TRRAP: variants seen among roughly 807,000 people sequenced by gnomAD.
TRRAP encodes transformation/transcription domain associated protein.
In TRRAP, 41 loss-of-function variants were observed where a neutral mutation model predicts 438.8. That is an observed-to-expected ratio of 0.09 (90% CI 0.07 to 0.12). The LOEUF (loss-of-function observed/expected upper bound fraction) is 0.12, where lower values mean the gene tolerates loss of function less well. Ranked by LOEUF, TRRAP falls within the 10% of genes least tolerant of loss-of-function variation. The pLI, the probability that TRRAP is intolerant of heterozygous loss-of-function variation, is 1.00. For missense variants in TRRAP, 3,122 were observed against 5,055.1 expected (o/e 0.62, Z 11.60); for synonymous variants, 1,994 against 1,962.9 (o/e 1.02, Z -0.42).
chr7:98,971,898 C>T lies in TRRAP; in HGVS notation c.7792C>T (p.Leu2598=). 1.2e-6 allele frequency: 2 copies of T among 1,614,218 alleles called. No homozygotes were observed. The highest frequency in any genetic ancestry group is 8.5e-7 in the Non-Finnish European group (1 of 1,180,042). The part of the protein sequence containing the change: ...EKDIGNQLHM[L]TNRHDKFLDT... ...GGACATTGGAAACCAGCTGCACATG[C>T]TAACCAACAGGCACGACAAGTTTCT... Residue 2598 remains leucine, a synonymous_variant, in exon 53 of 73, where the codon CTA becomes TTA. Transcript: ENST00000456197.
chr7:98,895,366 G>A (rs1796150497), intron 6 of TRRAP, among the ~76,000 whole-genome samples: 1 of 152,166 alleles, frequency 6.6e-6, no homozygotes, highest in African/African-American at 2.4e-5. Flanking sequence ...GAATTACCGA[G>A]GCAAAGGCAT....
At chr7:98,900,059 A>C (rs1301553634) in intron 10 of TRRAP, among the ~76,000 whole-genome samples, 1 of 152,042 alleles carries the variant, frequency 6.6e-6, no homozygotes, top group Non-Finnish European at 1.5e-5. Context: ...GCTCACCTTC[A>C]AGACTTTGTT....
rs1792657102 is a variant in TRRAP, at chr7:98,976,369, G to A, written c.7959+101G>A. ...TCTCGAACAAGTTTCAGAAAATGAG[G>A]GAACCGCTGGCTGTCACTCGAGCGA... is the stretch of plus-strand genomic sequence containing the variant. On this transcript the variant is annotated intron_variant, in intron 54 of 72. Transcript: ENST00000456197. This position sits in a 1 kb window ranked among gnomAD's most constrained non-coding sequence, Gnocchi z 4.6. 1.9e-6 allele frequency: 3 copies of A among 1,573,864 alleles called. No individual in the cohort carries two copies. The highest frequency in any genetic ancestry group is 2.6e-6 in the Non-Finnish European group (3 of 1,162,076).
intron 22 of TRRAP, among the ~76,000 whole-genome samples, chr7:98,926,742 G>A (rs146435405): frequency 5.9e-5 from 9 of 152,074 alleles, no homozygotes; most frequent in East Asian, 1.9e-4. Flanking sequence ...CTGAAAAAAC[G>A]TGCTGTAATC....
At chr7:98,935,000 G>T (rs1225852325) in intron 27 of TRRAP, among the ~76,000 whole-genome samples, 1 of 152,096 alleles carries the variant, frequency 6.6e-6, no homozygotes, top group Non-Finnish European at 1.5e-5. Context: ...AGAGAAGGGG[G>T]AAATAGTGAT....
At chr7:98,959,321 C>T (rs1300762895) in intron 44 of TRRAP, 23 bp from the exon 45 acceptor site, 1 of 1,611,346 alleles carries the variant, frequency 6.2e-7, no homozygotes, top group Non-Finnish European at 8.5e-7. Context: ...GAAATGCCGG[C>T]TGTAACTCGG....
intron 53 of TRRAP, among the ~76,000 whole-genome samples, chr7:98,972,794 G>A (rs777015129): frequency 6.6e-5 from 10 of 152,288 alleles, no homozygotes; most frequent in East Asian, 3.9e-4. Flanking sequence ...TGATTTTTAC[G>A]TTAAAATCTT....
chr7:98,958,114 G>T (rs782559096), intron 44 of TRRAP, 23 bp downstream of exon 44: 9 of 1,599,584 alleles, frequency 5.6e-6, no homozygotes, highest in Middle Eastern at 1.7e-4. Flanking sequence ...AGTGCCCTGC[G>T]TTAGGGCTTC....
At chr7:98,896,440 T>C (rs1796208288) in intron 7 of TRRAP, among the ~76,000 whole-genome samples, 1 of 151,768 alleles carries the variant, frequency 6.6e-6, no homozygotes, top group Admixed American at 6.6e-5. Context: ...GGGTACGGGG[T>C]CTCTGTCTGC....
chr7:98,889,633 G>A (rs1554404516), intron 3 of TRRAP, among the ~76,000 whole-genome samples: 3 of 149,180 alleles, frequency 2.0e-5, no homozygotes, highest in African/African-American at 7.4e-5. Context: ...CTGCTGCCTT[G>A]AACTCCCAGT....
intron 65 of TRRAP, 106 bp from the exon 66 acceptor site, chr7:98,993,432 C>T (rs926795933): frequency 1.0e-5 from 13 of 1,239,936 alleles, no homozygotes; most frequent in African/African-American, 1.5e-5. Flanking sequence ...GGGATTCACA[C>T]GCCGGCAGGA....
At position 98,975,837 on chromosome 7, in the gene TRRAP, G is replaced by A. The variant is rs938413067; in HGVS notation, c.7840-312G>A. The stretch of plus-strand genomic sequence containing the variant: ...CTAAGTTACTCTTTCAGTCTTGTCA[G>A]TGTTTTTGTCCTTCTTGGATATGGT... On this transcript the variant is annotated intron_variant, in intron 53 of 72. Coordinates refer to ENST00000456197, the MANE Select transcript of TRRAP (RefSeq NM_001375524.1). 1.9e-5 allele frequency: 5 copies of A among 263,470 alleles called. No individual in the cohort carries two copies. The East Asian group carries it at 3.8e-4, about 20-fold the overall frequency. The allele number at this position is 263,470 out of a possible 1,614,324, so 16.3% of individuals were successfully genotyped here.
chr7:98,976,281 T>C lies in TRRAP; in HGVS notation c.7959+13T>C, dbSNP rs1792653351. 1.2e-6 allele frequency: 2 copies of C among 1,613,190 alleles called. No individual in the cohort carries two copies. The highest frequency in any genetic ancestry group is 1.7e-6 in the Non-Finnish European group (2 of 1,179,570). ...CAGACAGCAGCATGTGAGTGTATCT[T>C]TAAAATCCTGTTTTGGAAAATTGTA... On this transcript the variant is annotated intron_variant, in intron 54 of 72. Coordinates refer to ENST00000456197, the MANE Select transcript of TRRAP (RefSeq NM_001375524.1). The surrounding 1 kb of genome is among the most constrained non-coding windows in gnomAD (Gnocchi z 4.6).
intron 40 of TRRAP, 145 bp downstream of exon 40, chr7:98,953,578 C>T (rs1791445944): frequency 6.5e-6 from 8 of 1,239,704 alleles, no homozygotes; most frequent in African/African-American, 3.0e-5. Context: ...TATGATTCCA[C>T]TTAGAAGACC....
rs573343947 is a variant in TRRAP at position 98,970,996 on chromosome 7, GT to G, written c.7692+707del. 1.0e-3 allele frequency among the ~76,000 whole-genome samples: 154 copies of G among 152,250 alleles called. 1 individual carries two copies. The highest frequency in any genetic ancestry group is 3.6e-3 in the African/African-American group (150 of 41,536). On this transcript the variant is annotated intron_variant, in intron 52 of 72. Transcript: ENST00000456197. ...TTGTAGGCTGTATCTCCTTAAGGTC[GT>G]TGGTTTTTGGAGGCTCAGCCTGTGT...
rs771377137 is a variant in TRRAP, at chr7:98,981,973, C to T, written c.8826+13C>T. The T allele has an allele frequency of 1.9e-6, 3 of 1,556,552 alleles. No individual in the cohort carries two copies. The highest frequency in any genetic ancestry group is 2.8e-5 in the African/African-American group (2 of 72,468). Reference sequence around the variant, plus strand: ...GCCTCTCCTACAGGTGCGTGCGGTGCCCCCATGCGAGCACAGGCCTGTGGC... The same window carrying T: ...GCCTCTCCTACAGGTGCGTGCGGTGTCCCCATGCGAGCACAGGCCTGTGGC... On this transcript the variant is annotated intron_variant, in intron 59 of 72. Transcript: ENST00000456197.
intron 56 of TRRAP, among the ~76,000 whole-genome samples, 177 bp downstream of exon 56, chr7:98,977,253 C>G (rs1047738158): frequency 6.6e-6 from 1 of 152,174 alleles, no homozygotes; most frequent in Admixed American, 6.5e-5. Flanking sequence ...CCTCCACCTC[C>G]CAGGTTCAAG....
At position 98,956,684 on chromosome 7, in the gene TRRAP, A is replaced by G. The variant is rs1264327417; in HGVS notation, c.6231+151A>G. 5 of 1,305,886 alleles carry G rather than the reference A, an allele frequency of 3.8e-6. No individual in the cohort carries two copies. The highest frequency in any genetic ancestry group is 3.0e-5 in the South Asian group (2 of 66,916). The allele number at this position is 1,305,886 out of a possible 1,614,324, so 80.9% of individuals were successfully genotyped here. ...GGTCACCAGATTGAAACTCCAGGAC[A>G]TGTCACTCATGCAAGGGGTTCCCAG... On this transcript the variant is annotated intron_variant, in intron 43 of 72. Coordinates refer to ENST00000456197, the MANE Select transcript of TRRAP (RefSeq NM_001375524.1). The surrounding 1 kb of genome is among the most constrained non-coding windows in gnomAD (Gnocchi z 4.5).
Position 98,910,051 on chromosome 7 carries a change from G to C in TRRAP, c.1351-5G>C. ...TCTTCCCTCTTGAATTTCTCTTCCC[G>C]TTAGGTTTTCGTTCTCAAATTCCAC... On this transcript the variant is annotated splice_region_variant and splice_polypyrimidine_tract_variant and intron_variant, in intron 14 of 72. Transcript: ENST00000456197. The C allele has an allele frequency of 6.5e-7, 1 of 1,538,886 alleles. No individual in the cohort carries two copies. Among genetic ancestry groups the C allele is most frequent in the South Asian group, 1.3e-5 (1 of 78,210 alleles).
Sources: allele counts gnomAD v4.1 joint callset (sites outside exome capture counted in the v4.1 genomes callset), GRCh38; gene constraint gnomAD v4.1.1; non-coding constraint Gnocchi (gnomAD v3.1); transcripts MANE v1.5; gene names NCBI Gene and HGNC (gene_info 2026-07-23, HGNC 2026-07-21).